DIAPH2: variants seen among roughly 807,000 people sequenced by gnomAD.
DIAPH2 encodes the protein diaphanous related formin 2, also known as protein diaphanous homolog 2.
In DIAPH2, 35 loss-of-function variants were observed where a neutral mutation model predicts 92.7. That is an observed-to-expected ratio of 0.38 (90% CI 0.29 to 0.50). DIAPH2 has a LOEUF of 0.50. Among genes scored for constraint, DIAPH2 ranks in the 20% least tolerant of loss-of-function variants. The pLI is 0.94. For missense variants in DIAPH2, 701 were observed against 819.5 expected, an observed-to-expected ratio of 0.86 and a Z score of 1.77; for synonymous variants, 301 against 280.4, an observed-to-expected ratio of 1.07 and a Z score of -0.73.
intron 22 of DIAPH2, among the ~76,000 whole-genome samples, chrX:97,157,771 G>A (rs910306008): frequency 4.5e-5 from 5 of 111,940 alleles, no homozygotes; most frequent in Non-Finnish European, 9.4e-5. Flanking sequence ...TGTTTATTCT[G>A]TCAGTCCAGA....
chrX:97,129,606 G>C (rs1041673931), intron 21 of DIAPH2, among the ~76,000 whole-genome samples: 1 of 111,656 alleles, frequency 9.0e-6, no homozygotes, highest in African/African-American at 3.3e-5. Context: ...ATATAAAGTA[G>C]AGGTAAGAAT....
intron 9 of DIAPH2, among the ~76,000 whole-genome samples, chrX:96,924,281 C>G (rs2065565320): frequency 8.9e-6 from 1 of 111,869 alleles, no homozygotes; most frequent in Non-Finnish European, 1.9e-5. Context: ...ATATTATTGT[C>G]ATTTAGAAAA....
Position 97,580,144 on chromosome X carries a change from C to A in DIAPH2, c.3242-19109C>A, listed in dbSNP as rs1387973417. On this transcript the variant is annotated intron_variant, in intron 26 of 26. Transcript: ENST00000324765. ...GACAATTTGACTTCCTCTTTTCCTACTTGAATACCCTTTATTTCCTTCTCC... is the reference window on the plus strand; with the variant it reads ...GACAATTTGACTTCCTCTTTTCCTAATTGAATACCCTTTATTTCCTTCTCC... Among the ~76,000 whole-genome samples the A allele has an allele frequency of 5.8e-3, 636 of 108,994 alleles. 4 individuals carry two copies. Among genetic ancestry groups the A allele is most frequent in the Non-Finnish European group, 8.7e-3 (456 of 52,256 alleles). 94.6% of individuals were successfully genotyped at this position (108,994 alleles called of 115,157 possible). A position where few individuals can be genotyped will look rare whatever the true frequency, so the allele number is the denominator to read the frequency against.
At chrX:97,435,672 A>G (rs2070175806) in intron 26 of DIAPH2, among the ~76,000 whole-genome samples, 1 of 112,012 alleles carries the variant, frequency 8.9e-6, no homozygotes, top group Admixed American at 9.5e-5. Context: ...AATAAGTTGC[A>G]TACATTTACC....
At chrX:96,950,447 A>G (rs1253274180) in intron 15 of DIAPH2, among the ~76,000 whole-genome samples, 1 of 111,451 alleles carries the variant, frequency 9.0e-6, no homozygotes, top group Non-Finnish European at 1.9e-5. Flanking sequence ...ACCAATTTTA[A>G]AGATGGTGAA....
chrX:96,966,343 G>A (rs748861730), intron 17 of DIAPH2, among the ~76,000 whole-genome samples: 7 of 111,598 alleles, frequency 6.3e-5, no homozygotes, highest in East Asian at 2.8e-4. Context: ...ACTGTTTAAC[G>A]TTAAAAAATT....
intron 23 of DIAPH2, among the ~76,000 whole-genome samples, chrX:97,299,397 T>G (rs1694501906): frequency 8.9e-6 from 1 of 111,890 alleles, no homozygotes; most frequent in Admixed American, 9.6e-5. Flanking sequence ...TAGAAAATGC[T>G]AGATGGAAAA....
At chrX:97,409,852 TAAAC>T (rs1179258227) in intron 25 of DIAPH2, among the ~76,000 whole-genome samples, 2 of 112,403 alleles carry the variant, frequency 1.8e-5, no homozygotes, top group African/African-American at 6.4e-5. Flanking sequence ...CTTGAGTAGA[TAAAC>T]AAAGTGGCTG....
intron 21 of DIAPH2, among the ~76,000 whole-genome samples, chrX:97,138,506 G>A (rs926249045): frequency 1.8e-5 from 2 of 111,569 alleles, no homozygotes; most frequent in Non-Finnish European, 3.8e-5. Flanking sequence ...TAATCTTTAT[G>A]TGTAACATTT....
intron 26 of DIAPH2, among the ~76,000 whole-genome samples, chrX:97,497,132 C>T (rs1163456149): frequency 9.1e-6 from 1 of 110,303 alleles, no homozygotes; most frequent in Non-Finnish European, 1.9e-5. Flanking sequence ...TTTGATTAGT[C>T]CAAAGGTGAT....
At chrX:96,768,318 C>T (rs763529986) in intron 4 of DIAPH2, among the ~76,000 whole-genome samples, 2 of 111,951 alleles carry the variant, frequency 1.8e-5, no homozygotes, top group South Asian at 3.8e-4. Context: ...GCATTTGTCT[C>T]GTCATCAGAA....
At chrX:97,046,720 C>T (rs189020758) in intron 17 of DIAPH2, among the ~76,000 whole-genome samples, 1 of 111,711 alleles carries the variant, frequency 9.0e-6, no homozygotes, top group South Asian at 3.8e-4. Context: ...ATAATGATTA[C>T]TAATGTCAAG....
At chrX:97,203,972 C>G (rs781414887) in intron 22 of DIAPH2, among the ~76,000 whole-genome samples, 1 of 112,100 alleles carries the variant, frequency 8.9e-6, no homozygotes, top group South Asian at 3.7e-4. Flanking sequence ...AGCTTATCTA[C>G]CACGATCAAG....
chrX:96,785,351 T>C (rs1458695735), intron 4 of DIAPH2, among the ~76,000 whole-genome samples: 2 of 110,187 alleles, frequency 1.8e-5, no homozygotes, highest in Non-Finnish European at 3.8e-5. Context: ...AAGTCCAAGA[T>C]GAAGGTGATG....
chrX:97,507,486 T>C (rs1013775874), intron 26 of DIAPH2, among the ~76,000 whole-genome samples: 1 of 111,640 alleles, frequency 9.0e-6, no homozygotes, highest in Non-Finnish European at 1.9e-5. Flanking sequence ...CCCATCTTAA[T>C]GTAACTTTTA....
At chrX:96,933,908 G>A (rs1280997300) in intron 10 of DIAPH2, among the ~76,000 whole-genome samples, 2 of 108,118 alleles carry the variant, frequency 1.8e-5, no homozygotes, top group Admixed American at 1.0e-4. Context: ...GAGCCACTGC[G>A]CCTGGCCTAA....
At chrX:97,429,185 T>C (rs1217630565) in intron 25 of DIAPH2, among the ~76,000 whole-genome samples, 1 of 112,423 alleles carries the variant, frequency 8.9e-6, no homozygotes, top group African/African-American at 3.2e-5. Context: ...TTGCAAATAG[T>C]GTTTTCTAAG....
chrX:97,284,304 A>G (rs933327386), intron 23 of DIAPH2, among the ~76,000 whole-genome samples: 2 of 111,704 alleles, frequency 1.8e-5, no homozygotes, highest in African/African-American at 6.5e-5. Flanking sequence ...TATGCATGCA[A>G]TACATGAGAG....
At position 97,601,499 on chromosome X, in the gene DIAPH2, T is replaced by C. The variant is rs1444162479; in HGVS notation, c.*2182T>C. On this transcript the variant is annotated 3_prime_UTR_variant, in exon 27 of 27. Transcript: ENST00000324765. ...ATGAAGTTCCAATAGTTGAGTGAGT[T>C]AAAAGGTTTGTTTCCCAGATTTGTA... The C allele has an allele frequency of 9.0e-6, 1 of 111,456 alleles. No individual in the cohort carries two copies. The highest frequency in any genetic ancestry group is 1.9e-5 in the Non-Finnish European group (1 of 52,978). The allele number at this position is 111,456 out of a possible 1,213,427, so 9.2% of individuals were successfully genotyped here.
Sources: gnomAD v4.1 joint callset for allele counts (sites outside exome capture counted in the v4.1 genomes callset) on GRCh38, gnomAD v4.1.1 for gene constraint, MANE v1.5 for transcripts, NCBI Gene and HGNC (gene_info 2026-07-23, HGNC 2026-07-21) for gene names.